The following NUP210L variants were observed in gnomAD, a reference collection of about 807,000 sequenced individuals.
NUP210L encodes the protein nucleoporin 210 like.
Under a neutral mutation model 208.5 loss-of-function variants are expected in NUP210L, and 74 were observed. The observed-to-expected ratio is 0.35, with a 90% CI of 0.29 to 0.43. The LOEUF (loss-of-function observed/expected upper bound fraction) is 0.43. NUP210L is among the 20% of genes least tolerant of loss of function. The pLI, the probability that NUP210L is intolerant of heterozygous loss-of-function variation, is 1.00. For missense variants in NUP210L, 1,843 were observed against 2,289.4 expected, an observed-to-expected ratio of 0.81 and a Z score of 3.98; for synonymous variants, 780 against 816.9, an observed-to-expected ratio of 0.95 and a Z score of 0.77.
chr1:154,114,993 G>C (rs971851786), intron 12 of NUP210L, among the ~76,000 whole-genome samples: 1 of 152,016 alleles, frequency 6.6e-6, no homozygotes, highest in South Asian at 2.1e-4. Flanking sequence ...CAATCAAATC[G>C]GATTGATTTA....
At chr1:154,150,311 T>C (rs113445115) in intron 2 of NUP210L, among the ~76,000 whole-genome samples, 7,252 of 151,722 alleles carry the variant, frequency 0.048, 233 homozygotes, top group Non-Finnish European at 0.076. Context: ...GAGGCAGAGG[T>C]TGCGGTGAGT....
chr1:154,022,052 T>C, intron 32 of NUP210L, 74 bp downstream of exon 32: 1 of 995,094 alleles, frequency 1.0e-6, no homozygotes, highest in South Asian at 1.6e-5. Context: ...TAATAACTGC[T>C]TTTTTTTTTA....
At chr1:154,022,890 T>C (rs910941644) in intron 31 of NUP210L, among the ~76,000 whole-genome samples, 1 of 151,710 alleles carries the variant, frequency 6.6e-6, no homozygotes, top group Non-Finnish European at 1.5e-5. Context: ...TTGTCCAGGC[T>C]GGTCTCGAAC....
intron 2 of NUP210L, 75 bp from the exon 3 acceptor site, chr1:154,143,652 T>TC: frequency 1.6e-6 from 2 of 1,277,278 alleles, no homozygotes; most frequent in South Asian, 2.8e-5. Flanking sequence ...TACTCAAAAC[T>TC]GTATTCTAAA....
At chr1:154,067,336 C>A (rs1030007404) in intron 17 of NUP210L, among the ~76,000 whole-genome samples, 1 of 152,108 alleles carries the variant, frequency 6.6e-6, no homozygotes, top group African/African-American at 2.4e-5. Context: ...GAACCAAAGA[C>A]AAAAACCACA....
chr1:154,034,843 C>CTTTT (rs35524701), intron 27 of NUP210L, among the ~76,000 whole-genome samples: 1 of 136,196 alleles, frequency 7.3e-6, no homozygotes, highest in African/African-American at 2.7e-5. Flanking sequence ...CTCTCTCTCT[C>CTTTT]TTTTTTTTTT....
intron 16 of NUP210L, chr1:154,079,039 C>G (rs1042033255): frequency 6.6e-6 from 1 of 152,070 alleles, no homozygotes; most frequent in Admixed American, 6.5e-5. Flanking sequence ...AATCCCAGAA[C>G]TTTGGGAGGC....
chr1:154,135,099 T>C (rs1391967299), intron 7 of NUP210L, among the ~76,000 whole-genome samples: 1 of 152,102 alleles, frequency 6.6e-6, no homozygotes, highest in Admixed American at 6.5e-5. Flanking sequence ...TAAAAATTGC[T>C]CTCAACACAA....
intron 16 of NUP210L, among the ~76,000 whole-genome samples, chr1:154,072,630 C>T (rs537434664): frequency 4.6e-5 from 7 of 152,052 alleles, no homozygotes; most frequent in Non-Finnish European, 1.0e-4. Context: ...CCGCGCCTGG[C>T]AATTATGGCC....
chr1:154,111,323 C>A (rs568968244), intron 12 of NUP210L, among the ~76,000 whole-genome samples: 1 of 151,466 alleles, frequency 6.6e-6, no homozygotes, highest in Non-Finnish European at 1.5e-5. Flanking sequence ...GCAGAGGTTG[C>A]AATGAGCCCA....
chr1:154,039,360 A>C (rs1652734324), intron 27 of NUP210L, among the ~76,000 whole-genome samples: 1 of 151,302 alleles, frequency 6.6e-6, no homozygotes, highest in Admixed American at 6.6e-5. Context: ...CAGCCTCCTG[A>C]CTAGCTGGGA....
chr1:154,005,472 A>C (rs1241996842), intron 35 of NUP210L, among the ~76,000 whole-genome samples: 1 of 149,012 alleles, frequency 6.7e-6, no homozygotes, highest in Non-Finnish European at 1.5e-5. Flanking sequence ...CAGGTGATCC[A>C]CCGCCTTGGC....
At chr1:154,136,742 A>G (rs933727318) in intron 6 of NUP210L, among the ~76,000 whole-genome samples, 10 of 150,620 alleles carry the variant, frequency 6.6e-5, no homozygotes, top group African/African-American at 2.4e-4. Context: ...AACATGGTGA[A>G]ACCCCATCTC....
chr1:154,025,003 C>G (rs1170636711), intron 30 of NUP210L, among the ~76,000 whole-genome samples: 1 of 137,158 alleles, frequency 7.3e-6, no homozygotes, highest in East Asian at 2.3e-4. Context: ...TCTTGGCTCA[C>G]TGCAGGCTCC....
intron 33 of NUP210L, among the ~76,000 whole-genome samples, chr1:154,018,261 C>T (rs1474318721): frequency 6.6e-6 from 1 of 152,056 alleles, no homozygotes; most frequent in Admixed American, 6.6e-5. Context: ...TGTGAGCCAC[C>T]GCGCCTGGCC....
chr1:154,070,244 A>G (rs201698674), intron 17 of NUP210L, 29 bp downstream of exon 17: 28 of 1,504,980 alleles, frequency 1.9e-5, no homozygotes, highest in Non-Finnish European at 2.5e-5. Flanking sequence ...ACTCAGGTAT[A>G]TGAAAAGACT....
At chr1:154,115,447 G>A (rs1057442068) in intron 12 of NUP210L, among the ~76,000 whole-genome samples, 1 of 152,132 alleles carries the variant, frequency 6.6e-6, no homozygotes, top group Admixed American at 6.6e-5. Context: ...TACCAAATAA[G>A]GAAGCACTCT....
At chr1:154,008,620 T>C (rs920123887) in intron 35 of NUP210L, among the ~76,000 whole-genome samples, 1 of 152,156 alleles carries the variant, frequency 6.6e-6, no homozygotes, top group Non-Finnish European at 1.5e-5. Context: ...GGCAGGAGAA[T>C]ACCTTGTAAC....
chr1:154,008,281 G>C (rs1650688359), intron 35 of NUP210L, among the ~76,000 whole-genome samples: 1 of 152,116 alleles, frequency 6.6e-6, no homozygotes, highest in African/African-American at 2.4e-5. Flanking sequence ...GGCTGGACAT[G>C]GTGGTTCATG....
Sources: gnomAD v4.1 joint callset for allele counts (sites outside exome capture counted in the v4.1 genomes callset) on GRCh38, gnomAD v4.1.1 for gene constraint, MANE v1.5 for transcripts, NCBI Gene and HGNC (gene_info 2026-07-23, HGNC 2026-07-21) for gene names.